Variants in SHISA9 observed in about 807,000 individuals in gnomAD.
SHISA9 encodes the protein shisa family member 9.
Under a neutral mutation model 38.0 loss-of-function variants are expected in SHISA9, and 13 were observed. The observed-to-expected ratio is 0.34, with a 90% CI of 0.22 to 0.54. The LOEUF (loss-of-function observed/expected upper bound fraction) is 0.54. Ranked by LOEUF, SHISA9 falls within the 20% of genes least tolerant of loss-of-function variation. SHISA9 has a pLI of 0.91. For synonymous variants in SHISA9, 275 were observed against 242.0 expected (o/e 1.14, Z -1.27); for missense variants, 538 against 575.8 (o/e 0.93, Z 0.67).
intron 2 of SHISA9, among the ~76,000 whole-genome samples, chr16:13,186,443 G>C (rs1163709587): frequency 6.6e-6 from 1 of 151,568 alleles, no homozygotes; most frequent in Admixed American, 6.6e-5. Flanking sequence ...AATTACAGGT[G>C]CATGCCACCA....
intron 2 of SHISA9, among the ~76,000 whole-genome samples, chr16:13,124,159 C>T (rs1036532396): frequency 8.5e-5 from 13 of 152,288 alleles, no homozygotes; most frequent in African/African-American, 3.1e-4. Context: ...TTCCTAATTC[C>T]TCTCCCACTG....
At chr16:13,320,817 T>G in the SHISA9 span, among the ~76,000 whole-genome samples, 1 of 152,212 alleles carries the variant, frequency 6.6e-6, no homozygotes. Flanking sequence ...ATGGACTCAT[T>G]CTGTGGCCAC....
At chr16:13,031,136 C>G (rs1467607315) in intron 2 of SHISA9, among the ~76,000 whole-genome samples, 4 of 152,154 alleles carry the variant, frequency 2.6e-5, no homozygotes, top group Admixed American at 2.6e-4. Context: ...TACCATGGGT[C>G]TTACTCTAGG....
intron 2 of SHISA9, among the ~76,000 whole-genome samples, chr16:12,984,005 G>GT (rs1392058082): frequency 3.3e-5 from 5 of 152,104 alleles, no homozygotes; most frequent in African/African-American, 4.8e-5. Flanking sequence ...GGCTGTTGGT[G>GT]TTTTTTTAAA....
In SHISA9 at chr16:13,084,757, TAGACC is replaced by T. The variant is rs574320907; in HGVS notation, c.692-118635_692-118631del. Among the ~76,000 whole-genome samples the T allele has an allele frequency of 6.4e-3, 979 of 152,032 alleles. 7 individuals are homozygous for T. Among genetic ancestry groups the T allele is most frequent in the African/African-American group, 0.023 (944 of 41,466 alleles). ...TCTCTTAAGCTTAGACCATAGACCA[TAGACC>T]ATAGACAGACTGGCTTAAACAACAA... On this transcript the variant is annotated intron_variant, in intron 2 of 4. Coordinates refer to ENST00000558583, the MANE Select transcript of SHISA9 (RefSeq NM_001145204.3).
chr16:13,180,116 T>C (rs2050764582), intron 2 of SHISA9, among the ~76,000 whole-genome samples: 1 of 152,238 alleles, frequency 6.6e-6, no homozygotes, highest in Admixed American at 6.5e-5. Flanking sequence ...GTCTGGACAT[T>C]TACAATGTAC....
Position 13,036,852 on chromosome 16 carries a change from G to C in SHISA9, c.691+120037G>C, listed in dbSNP as rs1270410483. Among the ~76,000 whole-genome samples, 4 of 151,760 alleles carry C rather than the reference G, an allele frequency of 2.6e-5. No individual in the cohort carries two copies. In the East Asian group the frequency reaches 5.8e-4, roughly 22 times the overall value. On this transcript the variant is annotated intron_variant, in intron 2 of 4. Transcript: ENST00000558583. ...TAGCACAAATCTGGCAACAGTAAGC[G>C]CTCACTCAAATGCAGCTCAAAAAAC...
At chr16:13,083,306 T>G (rs2073674788) in intron 2 of SHISA9, among the ~76,000 whole-genome samples, 1 of 152,200 alleles carries the variant, frequency 6.6e-6, no homozygotes, top group Non-Finnish European at 1.5e-5. Flanking sequence ...TCATGCGTCA[T>G]CTCTATACAA....
intron 1 of SHISA9, among the ~76,000 whole-genome samples, chr16:12,907,051 TC>T (rs1324193802): frequency 7.8e-6 from 1 of 128,902 alleles, no homozygotes; most frequent in African/African-American, 2.7e-5. Flanking sequence ...CCTTCCCCCT[TC>T]CCTCCTTCCC....
At chr16:13,360,191 A>C in the SHISA9 span, among the ~76,000 whole-genome samples, 1 of 152,210 alleles carries the variant, frequency 6.6e-6, no homozygotes, top group African/African-American at 2.4e-5. Flanking sequence ...AGAGGGAGAA[A>C]TGAGTTAGTG....
chr16:13,381,437 G>A, the SHISA9 span, among the ~76,000 whole-genome samples: 1 of 152,136 alleles, frequency 6.6e-6, no homozygotes, highest in Admixed American at 6.5e-5. Context: ...TCAACTCCAG[G>A]AAAAGCATAA....
chr16:13,511,385 C>T, the SHISA9 span, among the ~76,000 whole-genome samples: 4 of 152,276 alleles, frequency 2.6e-5, no homozygotes, highest in Admixed American at 1.3e-4. Context: ...ATATTGTTTA[C>T]CTATTTCCTG....
At chr16:13,127,900 G>T (rs1207243641) in intron 2 of SHISA9, among the ~76,000 whole-genome samples, 1 of 152,176 alleles carries the variant, frequency 6.6e-6, no homozygotes, top group Non-Finnish European at 1.5e-5. Flanking sequence ...TGCTGGGAGA[G>T]CCCAGCTTCT....
chr16:13,053,164 T>A (rs2073272019), intron 2 of SHISA9, among the ~76,000 whole-genome samples: 1 of 151,998 alleles, frequency 6.6e-6, no homozygotes, highest in South Asian at 2.1e-4. Context: ...GGTTTCGCCA[T>A]GTTGGCCAGG....
chr16:13,058,141 C>G (rs1216128484), intron 2 of SHISA9, among the ~76,000 whole-genome samples: 3 of 152,162 alleles, frequency 2.0e-5, no homozygotes, highest in Non-Finnish European at 4.4e-5. Context: ...TGGGGTGGGA[C>G]AAAGCCCAGG....
chr16:13,231,617 G>A (rs1596753970), intron 4 of SHISA9, among the ~76,000 whole-genome samples: 1 of 152,256 alleles, frequency 6.6e-6, no homozygotes. Context: ...TTTATCAGTC[G>A]GAGCTATTTG....
the SHISA9 span, among the ~76,000 whole-genome samples, chr16:13,343,597 A>G: frequency 5.3e-4 from 81 of 152,248 alleles, no homozygotes; most frequent in Non-Finnish European, 9.7e-4. Context: ...AATAATCATC[A>G]ACTGCTTTAC....
At chr16:13,025,164 A>T (rs1202699241) in intron 2 of SHISA9, among the ~76,000 whole-genome samples, 1 of 152,144 alleles carries the variant, frequency 6.6e-6, no homozygotes, top group African/African-American at 2.4e-5. Flanking sequence ...TGACATTATT[A>T]TAATTGTCTA....
chr16:13,439,094 T>G, the SHISA9 span, among the ~76,000 whole-genome samples: 1 of 152,178 alleles, frequency 6.6e-6, no homozygotes, highest in South Asian at 2.1e-4. Context: ...CACTTACAAC[T>G]TAAAAAAAGT....
Sources: allele counts gnomAD v4.1 joint callset (sites outside exome capture counted in the v4.1 genomes callset), GRCh38; gene constraint gnomAD v4.1.1; transcripts MANE v1.5; gene names NCBI Gene and HGNC (gene_info 2026-07-23, HGNC 2026-07-21).